The following AHNAK2 variants were observed in gnomAD, a reference collection of about 807,000 sequenced individuals.
AHNAK2 encodes the protein protein AHNAK2.
Under a neutral mutation model 30.7 loss-of-function variants are expected in AHNAK2, and 18 were observed. That is an observed-to-expected ratio of 0.59 (90% CI 0.41 to 0.87). The LOEUF (loss-of-function observed/expected upper bound fraction) is 0.87. Ranked by LOEUF, AHNAK2 falls within the 40% of genes least tolerant of loss-of-function variation. AHNAK2 has a pLI of 0.00. For synonymous variants in AHNAK2, 3,590 were observed against 3,073.8 expected, an observed-to-expected ratio of 1.17 and a Z score of -5.56; for missense variants, 8,604 against 7,373.0, an observed-to-expected ratio of 1.17 and a Z score of -6.11.
At position 104,943,786 on chromosome 14, in the gene AHNAK2, C is replaced by G. The variant is rs373615265; in HGVS notation, c.11665G>C (p.Val3889Leu). 19 of 1,613,030 alleles carry G rather than the reference C, an allele frequency of 1.2e-5. No homozygotes were observed. The highest frequency in any genetic ancestry group is 1.1e-4 in the African/African-American group (8 of 74,710). ...EAGLKGHLPKVQMPSFKMPKV... is the reference protein window; with the variant it reads ...EAGLKGHLPKLQMPSFKMPKV... ...GGCATCTTGAAACTGGGCATCTGCA[C>G]CTTGGGCAGGTGTCCTTTGAGGCCG... The change falls in exon 7 of 7, where the codon GTG (valine) becomes CTG (leucine). Residue 3889 changes from valine (V) to leucine (L), a missense_variant. Coordinates refer to ENST00000333244, the MANE Select transcript of AHNAK2 (RefSeq NM_138420.4).
chr14:104,958,225 G>C (rs2140872453), intron 1 of AHNAK2, among the ~76,000 whole-genome samples: 1 of 152,272 alleles, frequency 6.6e-6, no homozygotes, highest in African/African-American at 2.4e-5. Flanking sequence ...GAGGCGGGTG[G>C]ATCACCTGAG....
Position 104,941,449 on chromosome 14 carries a change from C to G in AHNAK2, c.14002G>C (p.Val4668Leu). 1 of 1,612,650 alleles carries G rather than the reference C, an allele frequency of 6.2e-7. No individual in the cohort carries two copies. Among genetic ancestry groups the G allele is most frequent in the African/African-American group, 1.3e-5 (1 of 75,060 alleles). The change falls in exon 7 of 7, where the codon GTG (valine) becomes CTG (leucine). Residue 4668 changes from valine to leucine, a missense_variant. Transcript: ENST00000333244. ...FHEKTSTFPI[V>L]ESVVHEGDLH... ...TCACCTTCATGAACAACAGATTCCA[C>G]AATGGGAAATGTGGAAGTCTTCTCA...
In AHNAK2 at chr14:104,944,822, C is replaced by T; in HGVS notation, c.10629G>A (p.Glu3543=). The change falls in exon 7 of 7, where the codon GAG becomes GAA. Residue 3543 remains glutamate (E), a synonymous_variant. Transcript: ENST00000333244. ...GGCCGGCTCCCTCGGGCACGGGGCC[C>T]TCCAGGAGTTCCACATCCACTTGGA... ...QAVQVDVELL[E]GPVPEGAGLK... is the part of the protein sequence containing the mutation. The T allele has an allele frequency of 1.9e-6, 3 of 1,612,774 alleles. No homozygotes were observed. Among genetic ancestry groups the T allele is most frequent in the Non-Finnish European group, 2.5e-6 (3 of 1,179,548 alleles).
chr14:104,964,331 G>C (rs1899240565), intron 1 of AHNAK2, among the ~76,000 whole-genome samples: 1 of 152,170 alleles, frequency 6.6e-6, no homozygotes, highest in African/African-American at 2.4e-5. Flanking sequence ...AAAAGTCGAG[G>C]CAGACCACCT....
intron 1 of AHNAK2, chr14:104,970,386 G>C (rs532980020): frequency 3.1e-6 from 3 of 980,352 alleles, no homozygotes; most frequent in Admixed American, 6.2e-5. Flanking sequence ...CTGGTGGCCT[G>C]CTGGCCCCCA....
At position 104,950,786 on chromosome 14, in the gene AHNAK2, G is replaced by A. The variant is rs183642691; in HGVS notation, c.4665C>T (p.Gly1555=). The A allele has an allele frequency of 3.8e-6, 6 of 1,586,854 alleles. No homozygotes were observed. The highest frequency in any genetic ancestry group is 4.3e-6 in the Non-Finnish European group (5 of 1,162,434). ...CCTCTGGGAGTTTCACGTCCACTTGGCCAGCCTGGACCTCCAGGTCAGCAG... is the reference window on the plus strand; with the variant it reads ...CCTCTGGGAGTTTCACGTCCACTTGACCAGCCTGGACCTCCAGGTCAGCAG... ...PPSADLEVQA[G]QVDVKLPEGP... is the part of the protein sequence containing the mutation. The change falls in exon 7 of 7, where the codon GGC becomes GGT. Residue 1555 remains glycine, a synonymous_variant. Transcript: ENST00000333244.
Position 104,951,641 on chromosome 14 carries a change from G to T in AHNAK2, c.3810C>A (p.Gly1270=). 2 of 1,246,704 alleles carry T rather than the reference G, an allele frequency of 1.6e-6. 1 individual carries two copies. The highest frequency in any genetic ancestry group is 2.3e-6 in the Non-Finnish European group (2 of 880,818). The allele number at this position is 1,246,704 out of a possible 1,614,324, so 77.2% of individuals were successfully genotyped here. A position where few individuals can be genotyped will look rare whatever the true frequency, so the allele number is the denominator to read the frequency against. ...TATGACCTTTCAGGTCCAGCTTGGG[G>T]CCCCTGACTTCCACCTGGGGGCCCT... ...DLKGPQVEVR[G]PKLDLKGHKA... is the part of the protein sequence containing the mutation. The change falls in exon 7 of 7, where the codon GGC becomes GGA. Residue 1270 remains glycine, a synonymous_variant. Coordinates refer to ENST00000333244, the MANE Select transcript of AHNAK2 (RefSeq NM_138420.4).
At position 104,943,907 on chromosome 14, in the gene AHNAK2, G is replaced by A; in HGVS notation, c.11544C>T (p.Thr3848=). The change falls in exon 7 of 7, where the codon ACC becomes ACT. Residue 3848 remains threonine (T), a synonymous_variant. Coordinates refer to ENST00000333244, the MANE Select transcript of AHNAK2 (RefSeq NM_138420.4). ...AATGGGGCTGAATGCTGAGGTCAGT[G>A]GTCTTGAGGTCCCCCTGCATGGAGG... The part of the protein sequence containing the change: ...SLPSMQGDLK[T]TDLSIQPHSA... The A allele has an allele frequency of 6.2e-7, 1 of 1,613,112 alleles. No individual in the cohort carries two copies. The highest frequency in any genetic ancestry group is 8.5e-7 in the Non-Finnish European group (1 of 1,179,578).
chr14:104,938,275 G>A lies in AHNAK2; in HGVS notation c.17176C>T (p.Leu5726Phe). ...AAAAACGTGATTGTTTCTTCTTGAA[G>A]TTTTTGTTCTTCCAGCTCTGCCCCA... ...EDGAELEEQK[L>F]QEETITFFDA... is the part of the protein sequence containing the mutation. Residue 5726 changes from leucine to phenylalanine, a missense_variant, in exon 7 of 7, where the codon CTT becomes TTT. Leu to Phe is a conservative substitution (Grantham distance 22). Coordinates refer to ENST00000333244, the MANE Select transcript of AHNAK2 (RefSeq NM_138420.4). The A allele has an allele frequency of 6.2e-7, 1 of 1,613,890 alleles. No individual in the cohort carries two copies. Among genetic ancestry groups the A allele is most frequent in the Non-Finnish European group, 8.5e-7 (1 of 1,179,846 alleles).
rs778366416 is a variant in AHNAK2 at position 104,949,554 on chromosome 14, T to C, written c.5897A>G (p.Asp1966Gly). Residue 1966 changes from aspartate (D) to glycine (G), a missense_variant, in exon 7 of 7, where the codon GAT (aspartate) becomes GGT (glycine). By Grantham distance (94) the Asp-to-Gly change is moderately conservative. Transcript: ENST00000333244. Reference sequence around the variant, plus strand: ...CAGGTCTCCCTCCAGCCGCGCACCATCCAGCTTAGCCTTCTGGGCCTGGAC... The same window carrying C: ...CAGGTCTCCCTCCAGCCGCGCACCACCCAGCTTAGCCTTCTGGGCCTGGAC... ...VDVQAQKAKL[D>G]GARLEGDLSL... 6.3e-7 allele frequency: 1 copy of C among 1,587,902 alleles called. No homozygotes were observed. The highest frequency in any genetic ancestry group is 1.7e-5 in the Admixed American group (1 of 57,546).
In AHNAK2 at chr14:104,944,563, C is replaced by T. The variant is rs1898156284; in HGVS notation, c.10888G>A (p.Asp3630Asn). 23 of 1,613,240 alleles carry T rather than the reference C, an allele frequency of 1.4e-5. No individual in the cohort carries two copies. Among genetic ancestry groups the T allele is most frequent in the Non-Finnish European group, 1.7e-5 (20 of 1,179,640 alleles). Residue 3630 changes from aspartate to asparagine, a missense_variant, in exon 7 of 7, where the codon GAC becomes AAC. By Grantham distance (23) the Asp-to-Asn change is conservative. Coordinates refer to ENST00000333244, the MANE Select transcript of AHNAK2 (RefSeq NM_138420.4). ...AACTTGCTGTCTTTGGCAGTCACGTCCTTGTCAGCCAGGGACAGGTCTCCC... is the reference window on the plus strand; with the variant it reads ...AACTTGCTGTCTTTGGCAGTCACGTTCTTGTCAGCCAGGGACAGGTCTCCC... ...LEGDLSLADKDVTAKDSKFKM... is the reference protein window; with the variant it reads ...LEGDLSLADKNVTAKDSKFKM...
intron 1 of AHNAK2, among the ~76,000 whole-genome samples, chr14:104,972,694 G>A (rs117929428): frequency 0.024 from 3,729 of 152,258 alleles, 54 homozygotes; most frequent in Middle Eastern, 0.082. Flanking sequence ...CCTCCCCAAC[G>A]CGGACAGCCA....
chr14:104,968,418 G>C (rs1308840045), intron 1 of AHNAK2, among the ~76,000 whole-genome samples: 3 of 152,198 alleles, frequency 2.0e-5, no homozygotes, highest in Non-Finnish European at 4.4e-5. Context: ...GAGGGGCCGA[G>C]CGGGAGGGGA....
Position 104,954,389 on chromosome 14 carries a change from C to A in AHNAK2, c.1062G>T (p.Gly354=). 6.2e-7 allele frequency: 1 copy of A among 1,613,252 alleles called. No homozygotes were observed. Among genetic ancestry groups the A allele is most frequent in the African/African-American group, 1.3e-5 (1 of 75,060 alleles). ...CCCAGGGCCCCAACTCTTCCAGGAC[C>A]CCAGCACGGCCCACCCCACTCTGGA... ...RGFQSGVGRA[G]VLEELGPWGD... is the part of the protein sequence containing the mutation. The change falls in exon 7 of 7, where the codon GGG becomes GGT. Residue 354 remains glycine, a synonymous_variant. Coordinates refer to ENST00000333244, the MANE Select transcript of AHNAK2 (RefSeq NM_138420.4). This position sits in a 1 kb window ranked among gnomAD's most constrained non-coding sequence, Gnocchi z 4.3.
Position 104,951,145 on chromosome 14 carries a change from G to C in AHNAK2, c.4306C>G (p.Pro1436Ala), listed in dbSNP as rs571117251. The C allele has an allele frequency of 3.7e-6, 4 of 1,068,748 alleles. 1 individual carries two copies. The highest frequency in any genetic ancestry group is 2.9e-5 in the African/African-American group (2 of 68,678). 66.2% of individuals were successfully genotyped at this position (1,068,748 alleles called of 1,614,324 possible). The change falls in exon 7 of 7, where the codon CCC becomes GCC. Residue 1436 changes from proline (P) to alanine (A), a missense_variant. Pro to Ala is a conservative substitution (Grantham distance 27, BLOSUM62 -1). Coordinates refer to ENST00000333244, the MANE Select transcript of AHNAK2 (RefSeq NM_138420.4). ...LKGPEIDIKG[P>A]KLDLKDPKVE... ...TTGGGGTCTTTTAGGTCCAGCTTGG[G>C]GCCCTTGATGTCTATTTCAGGGCCC...
rs551382448 is a variant in AHNAK2 at position 104,950,330 on chromosome 14, G to A, written c.5121C>T (p.Ser1707=). 6.3e-6 allele frequency: 10 copies of A among 1,585,496 alleles called. 1 individual carries two copies. The Admixed American group carries it at 1.0e-4, about 17-fold the overall frequency. The change falls in exon 7 of 7, where the codon AGC becomes AGT. Residue 1707 remains serine (S), a synonymous_variant. Coordinates refer to ENST00000333244, the MANE Select transcript of AHNAK2 (RefSeq NM_138420.4). Reference sequence around the variant, plus strand: ...CCAGGTCGGCGGAAGGGGACTGAATGCTGAGGTCAGTGGTCTTCAGGTCCC... The same window carrying A: ...CCAGGTCGGCGGAAGGGGACTGAATACTGAGGTCAGTGGTCTTCAGGTCCC... ...MQGDLKTTDL[S]IQSPSADLEV... is the part of the protein sequence containing the mutation.
rs200199862 is a variant in AHNAK2, at chr14:104,942,883, G to A, written c.12568C>T (p.Leu4190=). The A allele has an allele frequency of 2.1e-5, 34 of 1,613,038 alleles. No homozygotes were observed. Among genetic ancestry groups the A allele is most frequent in the Non-Finnish European group, 2.7e-5 (32 of 1,179,594 alleles). Residue 4190 remains leucine, a synonymous_variant, in exon 7 of 7, where the codon CTG becomes TTG. Coordinates refer to ENST00000333244, the MANE Select transcript of AHNAK2 (RefSeq NM_138420.4). ...TCCACTTGGCCAGCCTGGACCTCCA[G>A]GTCGGCGGAAGGGGACTGAATGCTG... ...DLSIQSPSAD[L]EVQAGQVDVK...
rs1042534538 is a variant in AHNAK2, at chr14:104,948,713, C to A, written c.6738G>T (p.Val2246=). 1.9e-6 allele frequency: 3 copies of A among 1,611,498 alleles called. No individual in the cohort carries two copies. Among genetic ancestry groups the A allele is most frequent in the South Asian group, 2.2e-5 (2 of 91,030 alleles). The part of the protein sequence containing the change: ...LPKLQMPSFK[V]PKVDLKGPEI... ...CGGGGCCCTTGAGGTCCACTTTGGG[C>A]ACCTTGAAACTGGGCATCTGCAGCT... The change falls in exon 7 of 7, where the codon GTG becomes GTT. Residue 2246 remains valine (V), a synonymous_variant. Transcript: ENST00000333244.
intron 1 of AHNAK2, among the ~76,000 whole-genome samples, chr14:104,971,049 C>A (rs939069072): frequency 6.6e-6 from 1 of 152,168 alleles, no homozygotes; most frequent in Non-Finnish European, 1.5e-5. Context: ...GCCCGCTCAG[C>A]CCAAACTCAC....
Sources: allele counts gnomAD v4.1 joint callset (sites outside exome capture counted in the v4.1 genomes callset), GRCh38; gene constraint gnomAD v4.1.1; non-coding constraint Gnocchi (gnomAD v3.1); transcripts MANE v1.5; gene names NCBI Gene and HGNC (gene_info 2026-07-23, HGNC 2026-07-21).